Variants in MDGA2 observed in about 807,000 individuals in gnomAD.
MDGA2 encodes the protein MAM domain-containing glycosylphosphatidylinositol anchor protein 2.
Under a neutral mutation model 117.8 loss-of-function variants are expected in MDGA2, and 40 were observed. That is an observed-to-expected ratio of 0.34 (90% CI 0.26 to 0.44). The LOEUF (loss-of-function observed/expected upper bound fraction) is 0.44, where lower values mean the gene tolerates loss of function less well. Ranked by LOEUF, MDGA2 falls within the 20% of genes least tolerant of loss-of-function variation. MDGA2 has a pLI of 1.00. For missense variants in MDGA2, 1,123 were observed against 1,250.6 expected (o/e 0.90, Z 1.54); for synonymous variants, 452 against 439.0 (o/e 1.03, Z -0.37).
chr14:47,088,095 T>C (rs984419056), intron 6 of MDGA2, among the ~76,000 whole-genome samples: 18 of 152,124 alleles, frequency 1.2e-4, no homozygotes, highest in African/African-American at 4.3e-4. Flanking sequence ...CTAGACAAAA[T>C]TTTTTATTTG....
chr14:47,300,888 C>G (rs1484262168), intron 2 of MDGA2, among the ~76,000 whole-genome samples: 2 of 152,054 alleles, frequency 1.3e-5, no homozygotes, highest in Non-Finnish European at 2.9e-5. Context: ...CTGTGGATGA[C>G]GATTCTGAAG....
chr14:47,095,545 T>C lies in MDGA2; in HGVS notation c.1195+1309A>G, dbSNP rs367607271. ...AAATTTAGAAGAGCTTTTTCAATAA[T>C]CTTCTATCTCATAAGACATTATGGT... On this transcript the variant is annotated intron_variant, in intron 6 of 16. Coordinates refer to ENST00000399232, the MANE Select transcript of MDGA2 (RefSeq NM_001113498.3). Among the ~76,000 whole-genome samples the C allele has an allele frequency of 5.9e-5, 9 of 152,104 alleles. No homozygotes were observed. In the East Asian group the frequency reaches 1.4e-3, roughly 23 times the overall value.
chr14:46,883,045 G>A lies in MDGA2; in HGVS notation c.2239-824C>T, dbSNP rs140757980. The stretch of plus-strand genomic sequence containing the variant: ...AATTTCACAGCACAGTTATCAAAAT[G>A]TTCAGGAAAGAATTCTAATCTTTTA... On this transcript the variant is annotated intron_variant, in intron 10 of 16. Transcript: ENST00000399232. Among the ~76,000 whole-genome samples, 590 of 152,052 alleles carry A rather than the reference G, an allele frequency of 3.9e-3. 8 individuals carry two copies. The highest frequency in any genetic ancestry group is 0.012 in the African/African-American group (512 of 41,514).
At chr14:47,547,357 C>T (rs1407754377) in intron 1 of MDGA2, among the ~76,000 whole-genome samples, 1 of 152,216 alleles carries the variant, frequency 6.6e-6, no homozygotes, top group Non-Finnish European at 1.5e-5. Context: ...TTCATCCTTG[C>T]ACCTCTATTT....
At chr14:47,466,261 C>T (rs1291124574) in intron 1 of MDGA2, among the ~76,000 whole-genome samples, 1 of 151,876 alleles carries the variant, frequency 6.6e-6, no homozygotes, top group Non-Finnish European at 1.5e-5. Context: ...GTACAATAAA[C>T]CCATGTGACA....
chr14:47,014,090 C>T (rs1014528956), intron 8 of MDGA2, among the ~76,000 whole-genome samples: 2 of 151,906 alleles, frequency 1.3e-5, no homozygotes, highest in Admixed American at 6.6e-5. Flanking sequence ...CCACTGCCCC[C>T]GGCCCTCCTT....
chr14:47,321,978 A>G (rs1889993227), intron 1 of MDGA2, among the ~76,000 whole-genome samples: 1 of 152,234 alleles, frequency 6.6e-6, no homozygotes, highest in Non-Finnish European at 1.5e-5. Flanking sequence ...ACTTAGAAAT[A>G]AATAGCTAGT....
chr14:47,183,407 C>G (rs1406100303), intron 3 of MDGA2, among the ~76,000 whole-genome samples: 1 of 152,066 alleles, frequency 6.6e-6, no homozygotes, highest in Non-Finnish European at 1.5e-5. Context: ...AAAGAGCTTT[C>G]TATATTCCAA....
intron 8 of MDGA2, among the ~76,000 whole-genome samples, chr14:47,013,691 A>G (rs1448455619): frequency 6.7e-6 from 1 of 149,582 alleles, no homozygotes; most frequent in Non-Finnish European, 1.5e-5. Context: ...AAATAATAAG[A>G]CTTAAAGTCA....
At chr14:47,587,603 C>T (rs562977012) in intron 1 of MDGA2, among the ~76,000 whole-genome samples, 25 of 151,772 alleles carry the variant, frequency 1.6e-4, no homozygotes, top group African/African-American at 6.0e-4. Flanking sequence ...CATAACAACC[C>T]GAGTCATGTT....
chr14:46,881,009 A>AAAACACACACACAC (rs374276353), intron 11 of MDGA2, among the ~76,000 whole-genome samples: 1 of 145,588 alleles, frequency 6.9e-6, no homozygotes, highest in Non-Finnish European at 1.5e-5. Context: ...AACTATCACT[A>AAAACACACACACAC]ACACACACAC....
intron 7 of MDGA2, among the ~76,000 whole-genome samples, chr14:47,052,664 C>G (rs1427043231): frequency 1.3e-5 from 2 of 151,872 alleles, no homozygotes; most frequent in African/African-American, 2.4e-5. Context: ...CTCAAAACAA[C>G]TTGCAACTAA....
intron 1 of MDGA2, among the ~76,000 whole-genome samples, chr14:47,635,652 G>T (rs932941183): frequency 2.0e-5 from 3 of 152,064 alleles, no homozygotes; most frequent in African/African-American, 7.2e-5. Context: ...GGGTACAAAG[G>T]ACTGTGGCCA....
intron 4 of MDGA2, among the ~76,000 whole-genome samples, chr14:47,133,248 T>C (rs1882296652): frequency 6.6e-6 from 1 of 151,936 alleles, no homozygotes; most frequent in African/African-American, 2.4e-5. Context: ...CTAGAGTTTA[T>C]ATATAAAACT....
chr14:47,441,574 T>C (rs147568734), intron 1 of MDGA2, among the ~76,000 whole-genome samples: 1,757 of 152,258 alleles, frequency 0.012, 19 homozygotes, highest in Middle Eastern at 0.037. Flanking sequence ...TCAACAAACT[T>C]ACATTAAGCA....
intron 1 of MDGA2, among the ~76,000 whole-genome samples, chr14:47,534,555 A>C (rs1355315990): frequency 6.6e-6 from 1 of 152,126 alleles, no homozygotes; most frequent in Non-Finnish European, 1.5e-5. Flanking sequence ...TTACAAAACC[A>C]TCAGATCTCG....
At chr14:47,031,379 A>G (rs1888661284) in intron 8 of MDGA2, among the ~76,000 whole-genome samples, 1 of 152,150 alleles carries the variant, frequency 6.6e-6, no homozygotes, top group Non-Finnish European at 1.5e-5. Context: ...AAATATCTTG[A>G]AAATACTGGA....
At chr14:47,395,244 T>A (rs926799917) in intron 1 of MDGA2, among the ~76,000 whole-genome samples, 18 of 152,244 alleles carry the variant, frequency 1.2e-4, no homozygotes, top group Admixed American at 1.1e-3. Flanking sequence ...ATTAGAGTCC[T>A]AATTTAAAAA....
intron 10 of MDGA2, among the ~76,000 whole-genome samples, chr14:46,898,594 A>G (rs1006763174): frequency 2.0e-5 from 3 of 152,106 alleles, no homozygotes; most frequent in Non-Finnish European, 2.9e-5. Context: ...AACTCTGACA[A>G]CTTCATTCAT....
Sources: allele counts gnomAD v4.1 joint callset (sites outside exome capture counted in the v4.1 genomes callset), GRCh38; gene constraint gnomAD v4.1.1; transcripts MANE v1.5; gene names NCBI Gene and HGNC (gene_info 2026-07-23, HGNC 2026-07-21).